Variants in CCDC149 observed in about 807,000 individuals in gnomAD.
CCDC149 encodes the protein coiled-coil domain-containing protein 149.
A neutral mutation model predicts 59.9 loss-of-function variants in CCDC149; 45 were observed. The observed-to-expected ratio is 0.75, with a 90% CI of 0.59 to 0.96. The LOEUF (loss-of-function observed/expected upper bound fraction) is 0.96, where lower values mean the gene tolerates loss of function less well. CCDC149 is among the 40% of genes least tolerant of loss of function. The pLI, the probability that CCDC149 is intolerant of heterozygous loss-of-function variation, is 0.00. For synonymous variants in CCDC149, 245 were observed against 260.6 expected, an observed-to-expected ratio of 0.94 and a Z score of 0.58; for missense variants, 584 against 664.7, an observed-to-expected ratio of 0.88 and a Z score of 1.33.
At chr4:24,956,870 C>T (rs1463264948) in intron 1 of CCDC149, among the ~76,000 whole-genome samples, 1 of 152,216 alleles carries the variant, frequency 6.6e-6, no homozygotes, top group Non-Finnish European at 1.5e-5. Context: ...TCTAATTTAT[C>T]AGCTGACCTG....
intron 1 of CCDC149, among the ~76,000 whole-genome samples, chr4:24,967,713 A>G (rs762833493): frequency 1.3e-5 from 2 of 151,236 alleles, no homozygotes; most frequent in Non-Finnish European, 2.9e-5. Flanking sequence ...CTATTCCATT[A>G]TATTGATGAT....
intron 9 of CCDC149, among the ~76,000 whole-genome samples, chr4:24,824,142 A>C (rs940558738): frequency 6.6e-6 from 1 of 152,204 alleles, no homozygotes; most frequent in Non-Finnish European, 1.5e-5. Context: ...TCTGAGCAGC[A>C]TTCGAAGGTG....
chr4:24,814,932 G>C (rs1192209984), intron 12 of CCDC149, among the ~76,000 whole-genome samples: 1 of 152,126 alleles, frequency 6.6e-6, no homozygotes, highest in East Asian at 1.9e-4. Context: ...TCTCTTGTAT[G>C]TCCCAGGGAT....
intron 1 of CCDC149, among the ~76,000 whole-genome samples, chr4:24,948,882 A>T (rs1283284345): frequency 6.6e-6 from 1 of 152,128 alleles, no homozygotes; most frequent in Non-Finnish European, 1.5e-5. Flanking sequence ...ATGGTTTTAT[A>T]AAGGGGAATT....
chr4:24,885,684 A>G (rs1007191772), intron 1 of CCDC149, among the ~76,000 whole-genome samples: 1 of 152,198 alleles, frequency 6.6e-6, no homozygotes, highest in African/African-American at 2.4e-5. Flanking sequence ...CCAAGAGACA[A>G]ACACTTTATC....
Position 24,874,891 on chromosome 4 carries a change from C to T in CCDC149, c.226-1172G>A, listed in dbSNP as rs575205976. ...CAGTTGGCATTCTCCATTTCAGTATCATTTGCATCTTAAACGTTTTGCCAT... is the reference window on the plus strand; with the variant it reads ...CAGTTGGCATTCTCCATTTCAGTATTATTTGCATCTTAAACGTTTTGCCAT... On this transcript the variant is annotated intron_variant, in intron 2 of 12. Transcript: ENST00000635206. Among the ~76,000 whole-genome samples the T allele has an allele frequency of 3.9e-5, 6 of 152,298 alleles. No individual in the cohort carries two copies. The South Asian group carries it at 6.2e-4, about 16-fold the overall frequency.
chr4:24,873,227 T>C (rs1384180248), intron 3 of CCDC149, among the ~76,000 whole-genome samples: 3 of 149,854 alleles, frequency 2.0e-5, no homozygotes, highest in Non-Finnish European at 4.4e-5. Context: ...TATGTACCCA[T>C]AGGAGAGTAT....
intron 12 of CCDC149, among the ~76,000 whole-genome samples, chr4:24,813,449 T>C (rs1020160416): frequency 6.8e-6 from 1 of 146,510 alleles, no homozygotes; most frequent in African/African-American, 2.6e-5. Flanking sequence ...GGTTTCTAGA[T>C]AAATTGCTGA....
At chr4:24,957,039 T>C (rs543835521) in intron 1 of CCDC149, among the ~76,000 whole-genome samples, 4 of 152,300 alleles carry the variant, frequency 2.6e-5, no homozygotes, top group East Asian at 1.9e-4. Flanking sequence ...GGCTCCAACA[T>C]TGGAGCTCAA....
intron 9 of CCDC149, among the ~76,000 whole-genome samples, chr4:24,824,143 T>C (rs1715576138): frequency 6.6e-6 from 1 of 152,182 alleles, no homozygotes. Context: ...CTGAGCAGCA[T>C]TCGAAGGTGT....
At position 24,837,417 on chromosome 4, in the gene CCDC149, A is replaced by G. The variant is rs931734760; in HGVS notation, c.490-17T>C. 6.2e-7 allele frequency: 1 copy of G among 1,613,048 alleles called. No homozygotes were observed. The highest frequency in any genetic ancestry group is 1.3e-5 in the African/African-American group (1 of 74,886). On this transcript the variant is annotated splice_polypyrimidine_tract_variant and intron_variant, in intron 5 of 12. Coordinates refer to ENST00000635206, the MANE Select transcript of CCDC149 (RefSeq NM_001330643.2). The surrounding 1 kb of genome is among the most constrained non-coding windows in gnomAD (Gnocchi z 4.3). ...AGACTCAATCTAAAACCACAGGGAG[A>G]GCCCTTACTCAAGATGTTCCTCAGG...
chr4:24,853,387 T>A, intron 3 of CCDC149: 1 of 548,612 alleles, frequency 1.8e-6, no homozygotes, highest in Non-Finnish European at 3.2e-6. Context: ...GAACCTCAAT[T>A]TGGAGATATT....
chr4:24,967,729 G>A (rs754760853), intron 1 of CCDC149, among the ~76,000 whole-genome samples: 5 of 151,550 alleles, frequency 3.3e-5, no homozygotes, highest in Non-Finnish European at 7.4e-5. Context: ...ATGATATTAT[G>A]TTAACCTCTG....
chr4:24,871,900 T>TGA (rs1468843044), intron 3 of CCDC149, among the ~76,000 whole-genome samples: 2 of 152,110 alleles, frequency 1.3e-5, no homozygotes, highest in Non-Finnish European at 2.9e-5. Flanking sequence ...TATCTATCTA[T>TGA]GAGAGAGAGA....
chr4:24,928,875 A>T (rs999764521), intron 1 of CCDC149, among the ~76,000 whole-genome samples: 2 of 152,164 alleles, frequency 1.3e-5, no homozygotes, highest in African/African-American at 4.8e-5. Flanking sequence ...GGTGAACTTC[A>T]TGTGACAGGC....
intron 1 of CCDC149, among the ~76,000 whole-genome samples, chr4:24,878,049 G>A (rs1221893229): frequency 1.3e-5 from 2 of 152,214 alleles, no homozygotes; most frequent in Non-Finnish European, 2.9e-5. Flanking sequence ...CTCACACAAA[G>A]CAGAGCGAGA....
intron 1 of CCDC149, among the ~76,000 whole-genome samples, chr4:24,946,242 C>A (rs754377480): frequency 6.6e-6 from 1 of 152,148 alleles, no homozygotes; most frequent in East Asian, 1.9e-4. Flanking sequence ...AATTGCCTAG[C>A]CTGAATCCTA....
chr4:24,807,412 T>C lies in CCDC149; in HGVS notation c.*977A>G, dbSNP rs1432590377. On this transcript the variant is annotated 3_prime_UTR_variant, in exon 13 of 13. Transcript: ENST00000635206. Reference sequence around the variant, plus strand: ...TCTGTTTCTGTCTTTAAGATTCCCGTACTTGGTGGCACAAATGAGGCAGCC... The same window carrying C: ...TCTGTTTCTGTCTTTAAGATTCCCGCACTTGGTGGCACAAATGAGGCAGCC... 1 of 152,234 alleles carries C rather than the reference T, an allele frequency of 6.6e-6. No homozygotes were observed. 9.4% of individuals were successfully genotyped at this position (152,234 alleles called of 1,614,324 possible).
intron 1 of CCDC149, among the ~76,000 whole-genome samples, chr4:24,937,088 A>G (rs986469506): frequency 2.0e-5 from 3 of 152,218 alleles, no homozygotes; most frequent in Non-Finnish European, 4.4e-5. Context: ...AGGAGAAGAG[A>G]GTCCTACCAA....
Sources: gnomAD v4.1 joint callset for allele counts (sites outside exome capture counted in the v4.1 genomes callset) on GRCh38, gnomAD v4.1.1 for gene constraint, Gnocchi (gnomAD v3.1) non-coding constraint, MANE v1.5 for transcripts, NCBI Gene and HGNC (gene_info 2026-07-23, HGNC 2026-07-21) for gene names.